QTGAL: variants seen among roughly 807,000 people sequenced by gnomAD.
QTGAL encodes the protein BGnT-like protein 1.
chr17:83,048,435 G>A, the QTGAL span: 16 of 1,533,618 alleles, frequency 1.0e-5, no homozygotes, highest in South Asian at 5.6e-5. Context: ...AAGAAACCAC[G>A]AATTATAGTT....
At chr17:82,952,779 A>G in the QTGAL span, among the ~76,000 whole-genome samples, 2 of 152,234 alleles carry the variant, frequency 1.3e-5, no homozygotes, top group Non-Finnish European at 2.9e-5. Context: ...CACTTACTCT[A>G]AAATTAACCA....
At chr17:82,942,220 G>C in the QTGAL span, 1 of 596,500 alleles carries the variant, frequency 1.7e-6, no homozygotes, top group Non-Finnish European at 3.0e-6. Context: ...GCAGTGCAGT[G>C]AACCTCCCTT....
chr17:83,041,808 T>A, the QTGAL span, among the ~76,000 whole-genome samples: 1 of 152,272 alleles, frequency 6.6e-6, no homozygotes, highest in African/African-American at 2.4e-5. Context: ...GGGGGCCATC[T>A]GTATTCATAG....
At chr17:82,984,205 C>T in the QTGAL span, among the ~76,000 whole-genome samples, 2 of 96,358 alleles carry the variant, frequency 2.1e-5, no homozygotes, top group Non-Finnish European at 4.0e-5. Flanking sequence ...AGGGGAGAGG[C>T]CACATGAGGA....
the QTGAL span, among the ~76,000 whole-genome samples, chr17:83,029,267 T>C: frequency 6.6e-6 from 1 of 152,366 alleles, no homozygotes; most frequent in South Asian, 2.1e-4. Context: ...TATAATGAGA[T>C]GCAACAACGC....
At chr17:83,031,899 C>T in the QTGAL span, among the ~76,000 whole-genome samples, 6 of 152,256 alleles carry the variant, frequency 3.9e-5, no homozygotes, top group Non-Finnish European at 4.4e-5. Flanking sequence ...AAAACCCCAA[C>T]GTCCTTCGAG....
At chr17:82,969,100 A>G in the QTGAL span, among the ~76,000 whole-genome samples, 1 of 151,354 alleles carries the variant, frequency 6.6e-6, no homozygotes, top group Non-Finnish European at 1.5e-5. Context: ...TCATTGCACT[A>G]TAACCTGGGT....
chr17:83,005,038 G>A, the QTGAL span: 1 of 1,224,164 alleles, frequency 8.2e-7, no homozygotes, highest in Non-Finnish European at 1.2e-6. This position sits in a 1 kb window ranked among gnomAD's most constrained non-coding sequence, Gnocchi z 5.6. Flanking sequence ...AGACACAAGA[G>A]GCCACAGCAT....
the QTGAL span, among the ~76,000 whole-genome samples, chr17:83,032,696 G>A: frequency 2.0e-5 from 3 of 152,222 alleles, no homozygotes; most frequent in Non-Finnish European, 4.4e-5. Context: ...ATGAGCCCAA[G>A]GAAGGGTCAG....
chr17:82,964,047 A>G, the QTGAL span, among the ~76,000 whole-genome samples: 2 of 146,998 alleles, frequency 1.4e-5, no homozygotes, highest in Admixed American at 6.8e-5. Context: ...GGATTGCTTG[A>G]GCCCAGGAGT....
the QTGAL span, among the ~76,000 whole-genome samples, chr17:82,965,241 TG>T: frequency 8.4e-6 from 1 of 118,876 alleles, no homozygotes; most frequent in African/African-American, 3.2e-5. Flanking sequence ...TGCACCCCCA[TG>T]GGGGGGACGG....
At chr17:82,982,688 T>G in the QTGAL span, among the ~76,000 whole-genome samples, 5 of 152,148 alleles carry the variant, frequency 3.3e-5, no homozygotes, top group Non-Finnish European at 5.9e-5. Context: ...TTATGGTATT[T>G]TTGTCCTAGC....
At chr17:83,041,253 T>C in the QTGAL span, among the ~76,000 whole-genome samples, 4 of 151,966 alleles carry the variant, frequency 2.6e-5, no homozygotes, top group African/African-American at 9.7e-5. Context: ...AAAGCTGGAA[T>C]ACCAATAACT....
the QTGAL span, chr17:83,006,363 G>C: frequency 1.0e-5 from 10 of 984,854 alleles, no homozygotes; most frequent in Middle Eastern, 5.2e-4. This position sits in a 1 kb window ranked among gnomAD's most constrained non-coding sequence, Gnocchi z 5.8. Flanking sequence ...GTTTGCATTT[G>C]TTGTTGTTGT....
the QTGAL span, among the ~76,000 whole-genome samples, chr17:83,024,680 G>A: frequency 1.3e-5 from 2 of 152,256 alleles, no homozygotes; most frequent in South Asian, 2.1e-4. Context: ...CTGAGACTGC[G>A]GAAGCTGCGG....
the QTGAL span, among the ~76,000 whole-genome samples, chr17:82,970,398 CT>C: frequency 6.6e-6 from 1 of 152,268 alleles, no homozygotes; most frequent in Non-Finnish European, 1.5e-5. Context: ...CTGTTCTCAA[CT>C]TTTGCTTGCT....
the QTGAL span, chr17:82,946,917 GGAAGTCCT>G: frequency 6.4e-7 from 1 of 1,568,002 alleles, no homozygotes; most frequent in Non-Finnish European, 8.7e-7. Flanking sequence ...CTGAAGTGAA[GGAAGTCCT>G]GGCCCTCCTG....
At chr17:83,032,653 A>T in the QTGAL span, among the ~76,000 whole-genome samples, 1 of 152,354 alleles carries the variant, frequency 6.6e-6, no homozygotes, top group African/African-American at 2.4e-5. Flanking sequence ...CTTAGTGAGG[A>T]AAACATTGGA....
At chr17:83,037,296 C>T in the QTGAL span, among the ~76,000 whole-genome samples, 2 of 152,206 alleles carry the variant, frequency 1.3e-5, no homozygotes, top group Non-Finnish European at 2.9e-5. The surrounding 1 kb of genome is among the most constrained non-coding windows in gnomAD (Gnocchi z 5.2). Flanking sequence ...AGCAAGCTCA[C>T]GGCACCACTG....
Sources: gnomAD v4.1 joint callset for allele counts (sites outside exome capture counted in the v4.1 genomes callset) on GRCh38, gnomAD v4.1.1 for gene constraint, Gnocchi (gnomAD v3.1) non-coding constraint, MANE v1.5 for transcripts, NCBI Gene and HGNC (gene_info 2026-07-23, HGNC 2026-07-21) for gene names.